VIPR1: variants seen among roughly 807,000 people sequenced by gnomAD.
The protein encoded by VIPR1 is vasoactive intestinal polypeptide receptor 1.
A neutral mutation model predicts 58.8 loss-of-function variants in VIPR1; 59 were observed. The ratio of observed to expected loss-of-function variants is 1.00; its 90% confidence interval spans 0.81 to 1.25. VIPR1 has a LOEUF of 1.25. Among genes scored for constraint, VIPR1 ranks in the 50% most tolerant of loss-of-function variants. VIPR1 has a pLI of 0.00. For synonymous variants in VIPR1, 251 were observed against 242.1 expected (o/e 1.04, Z -0.34); for missense variants, 626 against 602.7 (o/e 1.04, Z -0.40).
intron 2 of VIPR1, among the ~76,000 whole-genome samples, chr3:42,518,753 C>T (rs866006200): frequency 2.0e-5 from 2 of 97,760 alleles, no homozygotes; most frequent in African/African-American, 1.7e-4. Flanking sequence ...AAGTAAATGG[C>T]GTGTGTTTAT....
At position 42,525,971 on chromosome 3, in the gene VIPR1, A is replaced by G. The variant is rs144670843; in HGVS notation, c.377A>G (p.Asp126Gly). 1.1e-3 allele frequency: 1,707 copies of G among 1,613,234 alleles called. 32 individuals carry two copies. The East Asian group carries it at 0.03, about 29-fold the overall frequency. ...TACCCCATTGCCTGTGGTTTGGATGACAAGGCAGCGAGTTTGGATGAGGTG... is the reference window on the plus strand; with the variant it reads ...TACCCCATTGCCTGTGGTTTGGATGGCAAGGCAGCGAGTTTGGATGAGGTG... ...GPYPIACGLD[D>G]KAASLDEQQT... Residue 126 changes from aspartate to glycine, a missense_variant, in exon 4 of 13, where the codon GAC becomes GGC. Asp to Gly is a moderately conservative substitution (Grantham distance 94, BLOSUM62 -1). Transcript: ENST00000325123.
At chr3:42,528,771 A>G (rs994972865) in intron 6 of VIPR1, 14 of 152,362 alleles carry the variant, frequency 9.2e-5, no homozygotes, top group African/African-American at 3.1e-4. Flanking sequence ...TTTGACAGAG[A>G]GCTTGAGATC....
rs569066794 is a variant in VIPR1 at position 42,504,317 on chromosome 3, C to G, written c.78+1504C>G. On this transcript the variant is annotated intron_variant, in intron 1 of 12. Transcript: ENST00000325123. ...AGAGAGGTCTCCTTTCACACCAGGCCACTTCTACTTCACACTTCCTGAGAC... is the reference window on the plus strand; with the variant it reads ...AGAGAGGTCTCCTTTCACACCAGGCGACTTCTACTTCACACTTCCTGAGAC... Among the ~76,000 whole-genome samples, 13 of 152,234 alleles carry G rather than the reference C, an allele frequency of 8.5e-5. No individual in the cohort carries two copies. The South Asian group carries it at 2.7e-3, about 32-fold the overall frequency.
At chr3:42,513,972 C>T (rs963783015) in intron 2 of VIPR1, 118 bp downstream of exon 2, 123 of 1,164,460 alleles carry the variant, frequency 1.1e-4, no homozygotes, top group Non-Finnish European at 1.4e-4. Flanking sequence ...TGGTGAGGAG[C>T]GGCTGGGGAG....
intron 1 of VIPR1, among the ~76,000 whole-genome samples, chr3:42,507,466 G>A (rs1700168341): frequency 6.6e-6 from 1 of 152,232 alleles, no homozygotes; most frequent in African/African-American, 2.4e-5. Context: ...CACCAGAGGA[G>A]GGGGAAGAGG....
upstream of VIPR1, among the ~76,000 whole-genome samples, chr3:42,499,228 G>GC (rs11341948): frequency 0.048 from 7,269 of 152,040 alleles, 208 homozygotes; most frequent in African/African-American, 0.088. Flanking sequence ...CCACTCTGTG[G>GC]CCCCCCCAGC....
At position 42,502,659 on chromosome 3, in the gene VIPR1, G is replaced by A. The variant is rs909123144; in HGVS notation, c.-77G>A. 1 of 1,132,400 alleles carries A rather than the reference G, an allele frequency of 8.8e-7. No individual in the cohort carries two copies. The highest frequency in any genetic ancestry group is 1.1e-6 in the Non-Finnish European group (1 of 894,236). The allele number at this position is 1,132,400 out of a possible 1,614,324, so 70.1% of individuals were successfully genotyped here. A position where few individuals can be genotyped will look rare whatever the true frequency, so the allele number is the denominator to read the frequency against. On this transcript the variant is annotated 5_prime_UTR_variant, in exon 1 of 13. Coordinates refer to ENST00000325123, the MANE Select transcript of VIPR1 (RefSeq NM_004624.4). ...GCCAGCGCCACTCTGCCAGGCTCCC[G>A]GCCATCGCCCGCCTGGTGCGCCGCC...
chr3:42,525,021 T>C (rs1045363052), intron 3 of VIPR1, among the ~76,000 whole-genome samples: 1 of 152,198 alleles, frequency 6.6e-6, no homozygotes, highest in Non-Finnish European at 1.5e-5. Flanking sequence ...ATGCTGCTGA[T>C]GCTGCTCATG....
chr3:42,499,023 G>A (rs2125626084), upstream of VIPR1, among the ~76,000 whole-genome samples: 1 of 152,304 alleles, frequency 6.6e-6, no homozygotes, highest in Admixed American at 6.5e-5. Flanking sequence ...TGTTGCCAGA[G>A]CTACCAGCCC....
chr3:42,506,561 T>A (rs1479879449), intron 1 of VIPR1: 1 of 152,212 alleles, frequency 6.6e-6, no homozygotes, highest in Non-Finnish European at 1.5e-5. Flanking sequence ...GGAGTCTTGC[T>A]CTGTCACCCA....
intron 3 of VIPR1, chr3:42,521,577 C>T (rs1198093483): frequency 6.6e-6 from 1 of 151,996 alleles, no homozygotes; most frequent in African/African-American, 2.4e-5. Context: ...CGGGAAGGGA[C>T]CTGGTTATAC....
At chr3:42,534,425 A>C (rs1230653295) in intron 10 of VIPR1, 1 of 152,882 alleles carries the variant, frequency 6.5e-6, no homozygotes, top group African/African-American at 2.4e-5. Flanking sequence ...TTCCAAGTTC[A>C]TAGTGGGCCT....
At chr3:42,498,105 T>A (rs1042014859), upstream of VIPR1, among the ~76,000 whole-genome samples, 2 of 152,176 alleles carry the variant, frequency 1.3e-5, no homozygotes, top group African/African-American at 4.8e-5. Context: ...ACATACTTCA[T>A]TCTCCATGCC....
intron 6 of VIPR1, chr3:42,528,359 C>T (rs1701352430): frequency 1.8e-6 from 1 of 565,192 alleles, no homozygotes; most frequent in Non-Finnish European, 3.1e-6. Flanking sequence ...GACCTGCCGC[C>T]GCCAGTGAGA....
Position 42,509,226 on chromosome 3 carries a change from G to A in VIPR1, c.79-4523G>A, listed in dbSNP as rs1177890744. ...CATTCTGTGCTCCTCTCAGAGACCA[G>A]CTTCTCCTCGGAGGGACTCATGCTT... is the stretch of plus-strand genomic sequence containing the variant. On this transcript the variant is annotated intron_variant, in intron 1 of 12. Transcript: ENST00000325123. 2.0e-5 allele frequency: 3 copies of A among 152,134 alleles called. No homozygotes were observed. The East Asian group carries it at 5.8e-4, about 29-fold the overall frequency. The allele number at this position is 152,134 out of a possible 1,614,324, so 9.4% of individuals were successfully genotyped here. A position where few individuals can be genotyped will look rare whatever the true frequency, so the allele number is the denominator to read the frequency against.
intron 12 of VIPR1, 145 bp from the exon 13 acceptor site, chr3:42,535,945 C>T (rs1409267795): frequency 7.8e-6 from 8 of 1,029,550 alleles, no homozygotes; most frequent in Non-Finnish European, 1.1e-5. Context: ...AAGTTTGCAC[C>T]GCCCGAGGCA....
chr3:42,504,523 C>T (rs1700017667), intron 1 of VIPR1, among the ~76,000 whole-genome samples: 1 of 152,112 alleles, frequency 6.6e-6, no homozygotes, highest in South Asian at 2.1e-4. Context: ...CTGGGCTATT[C>T]TGGCCATCCT....
intron 1 of VIPR1, among the ~76,000 whole-genome samples, chr3:42,503,634 G>A (rs1210700126): frequency 6.6e-6 from 1 of 152,154 alleles, no homozygotes; most frequent in Non-Finnish European, 1.5e-5. Context: ...ATTGAGGCAG[G>A]AGATGCATGG....
intron 1 of VIPR1, among the ~76,000 whole-genome samples, chr3:42,503,545 A>C (rs1486059881): frequency 1.3e-5 from 2 of 152,004 alleles, no homozygotes; most frequent in African/African-American, 2.4e-5. Flanking sequence ...CCCTTGATAC[A>C]TGTGTACTCG....
Sources: gnomAD v4.1 joint callset for allele counts (sites outside exome capture counted in the v4.1 genomes callset) on GRCh38, gnomAD v4.1.1 for gene constraint, MANE v1.5 for transcripts, NCBI Gene and HGNC (gene_info 2026-07-23, HGNC 2026-07-21) for gene names.